CNTNAP2: variants seen among roughly 807,000 people sequenced by gnomAD.
CNTNAP2 encodes the protein contactin-associated protein-like 2.
CNTNAP2 carries 98 observed loss-of-function variants against 155.2 expected under a neutral mutation model. That is an observed-to-expected ratio of 0.63 (90% CI 0.54 to 0.75). The LOEUF is 0.75. CNTNAP2 is among the 30% of genes least tolerant of loss of function. CNTNAP2 has a pLI of 0.00. For missense variants in CNTNAP2, 1,727 were observed against 1,688.1 expected (o/e 1.02, Z -0.40); for synonymous variants, 651 against 631.2 (o/e 1.03, Z -0.47).
At chr7:147,569,083 G>A (rs1800232445) in intron 12 of CNTNAP2, among the ~76,000 whole-genome samples, 1 of 152,056 alleles carries the variant, frequency 6.6e-6, no homozygotes, top group Non-Finnish European at 1.5e-5. Flanking sequence ...AAGCCATTAA[G>A]CTTGTTTACA....
At chr7:148,009,188 A>G (rs1295707085) in intron 15 of CNTNAP2, among the ~76,000 whole-genome samples, 1 of 152,236 alleles carries the variant, frequency 6.6e-6, no homozygotes, top group Non-Finnish European at 1.5e-5. Flanking sequence ...TACCTTAAAC[A>G]TGCTAAGAAC....
At chr7:148,235,779 G>A (rs916582919) in intron 20 of CNTNAP2, among the ~76,000 whole-genome samples, 8 of 142,340 alleles carry the variant, frequency 5.6e-5, no homozygotes, top group African/African-American at 1.3e-4. Context: ...TCCACCTCCC[G>A]GGTTCAAGTG....
intron 13 of CNTNAP2, among the ~76,000 whole-genome samples, chr7:147,643,170 G>A (rs1014542551): frequency 4.6e-5 from 7 of 152,164 alleles, no homozygotes; most frequent in African/African-American, 1.7e-4. Context: ...GGAATTTAAG[G>A]TGTTAGTCCT....
chr7:146,755,525 G>C (rs1801980872), intron 1 of CNTNAP2, among the ~76,000 whole-genome samples: 1 of 151,912 alleles, frequency 6.6e-6, no homozygotes, highest in Non-Finnish European at 1.5e-5. Flanking sequence ...TCACCTCCAG[G>C]ATAACTTGTC....
intron 10 of CNTNAP2, among the ~76,000 whole-genome samples, chr7:147,458,143 T>C (rs201916541): frequency 3.1e-5 from 1 of 31,764 alleles, no homozygotes; most frequent in African/African-American, 9.6e-5. Context: ...AAAACAAACA[T>C]AAGCATTTCA....
intron 15 of CNTNAP2, among the ~76,000 whole-genome samples, chr7:148,106,520 AC>A (rs1804225918): frequency 1.4e-5 from 2 of 142,824 alleles, no homozygotes; most frequent in Non-Finnish European, 3.0e-5. Context: ...ATATATATAT[AC>A]ATATTTTTTT....
chr7:147,890,762 A>G (rs2116730636), intron 13 of CNTNAP2, among the ~76,000 whole-genome samples: 2 of 152,336 alleles, frequency 1.3e-5, no homozygotes, highest in East Asian at 3.9e-4. Flanking sequence ...TTGCACTCAT[A>G]GAATTAGAGA....
chr7:147,219,660 A>G (rs1370550971), intron 8 of CNTNAP2, among the ~76,000 whole-genome samples: 1 of 152,174 alleles, frequency 6.6e-6, no homozygotes, highest in Admixed American at 6.5e-5. Context: ...TCACAGACAT[A>G]CCTATGTACA....
Position 146,912,123 on chromosome 7 carries a change from A to G in CNTNAP2, c.402+72219A>G, listed in dbSNP as rs539317303. Among the ~76,000 whole-genome samples, 3 of 150,936 alleles carry G rather than the reference A, an allele frequency of 2.0e-5. No homozygotes were observed. In the East Asian group the frequency reaches 5.8e-4, roughly 29 times the overall value. On this transcript the variant is annotated intron_variant, in intron 3 of 23. Transcript: ENST00000361727. ...TTAAAATGTTTGATTTTAATGAGTCATTGAATATGTATTAGCTTTTATGAG... is the reference window on the plus strand; with the variant it reads ...TTAAAATGTTTGATTTTAATGAGTCGTTGAATATGTATTAGCTTTTATGAG...
chr7:147,068,363 G>C (rs1458613046), intron 4 of CNTNAP2, among the ~76,000 whole-genome samples: 1 of 152,084 alleles, frequency 6.6e-6, no homozygotes, highest in Non-Finnish European at 1.5e-5. Flanking sequence ...TTATTTGTTT[G>C]TTTGTTTTTT....
In CNTNAP2 at chr7:147,490,311, A is replaced by AT. The variant is rs541888365; in HGVS notation, c.1777+4276dup. On this transcript the variant is annotated intron_variant, in intron 11 of 23. Transcript: ENST00000361727. Reference sequence around the variant, plus strand: ...CATTGCCAAATAAAGCAAAAGTAAAATTTTTTCTAGCCAATGTTAGAGAAA... The same window carrying AT: ...CATTGCCAAATAAAGCAAAAGTAAAATTTTTTTCTAGCCAATGTTAGAGAAA... 1.1e-3 allele frequency among the ~76,000 whole-genome samples: 168 copies of AT among 152,246 alleles called. 2 individuals are homozygous for AT. The South Asian group carries it at 0.021, about 19-fold the overall frequency.
intron 1 of CNTNAP2, among the ~76,000 whole-genome samples, chr7:146,269,895 G>A (rs1347093525): frequency 6.6e-6 from 1 of 152,192 alleles, no homozygotes; most frequent in African/African-American, 2.4e-5. Context: ...GGGAAGTCAA[G>A]TCCATCATTG....
At chr7:147,472,642 T>C (rs1798245879) in intron 10 of CNTNAP2, among the ~76,000 whole-genome samples, 1 of 151,800 alleles carries the variant, frequency 6.6e-6, no homozygotes, top group African/African-American at 2.4e-5. Context: ...GTGGGTGGGG[T>C]TAGGAGGTTG....
At chr7:147,863,450 T>G (rs1461026959) in intron 13 of CNTNAP2, among the ~76,000 whole-genome samples, 1 of 152,200 alleles carries the variant, frequency 6.6e-6, no homozygotes. Flanking sequence ...TACCCAGTAA[T>G]GGGATCACTG....
chr7:147,051,862 C>T (rs1220202612), intron 4 of CNTNAP2, among the ~76,000 whole-genome samples: 2 of 152,074 alleles, frequency 1.3e-5, no homozygotes, highest in Non-Finnish European at 2.9e-5. Context: ...GCTGACTACA[C>T]GTTAATGATG....
intron 9 of CNTNAP2, among the ~76,000 whole-genome samples, chr7:147,307,945 T>C (rs775917768): frequency 1.3e-5 from 2 of 152,216 alleles, no homozygotes; most frequent in Non-Finnish European, 2.9e-5. Context: ...GTGCTTGCTC[T>C]TGGAAGATTA....
In CNTNAP2 at chr7:148,420,052, G is replaced by A. The variant is rs575515200; in HGVS notation, c.*4436G>A. 2 of 152,320 alleles carry A rather than the reference G, an allele frequency of 1.3e-5. No individual in the cohort carries two copies. Among genetic ancestry groups the A allele is most frequent in the South Asian group, 2.1e-4 (1 of 4,830 alleles). The allele number at this position is 152,320 out of a possible 1,614,324, so 9.4% of individuals were successfully genotyped here. ...CACATCAAAAGACAAATGTGGCCAC[G>A]TTCAGGAATTGGAGACTTACTGGCA... On this transcript the variant is annotated 3_prime_UTR_variant, in exon 24 of 24. Transcript: ENST00000361727.
intron 1 of CNTNAP2, among the ~76,000 whole-genome samples, chr7:146,709,383 TA>T: frequency 6.6e-6 from 1 of 152,264 alleles, no homozygotes; most frequent in South Asian, 2.1e-4. Context: ...ACGAGAAACC[TA>T]AAATGAAAGG....
chr7:146,848,438 G>T (rs2129202479), intron 3 of CNTNAP2, among the ~76,000 whole-genome samples: 1 of 152,274 alleles, frequency 6.6e-6, no homozygotes, highest in Non-Finnish European at 1.5e-5. Flanking sequence ...AAGCATAATT[G>T]CTGTCTTCTA....
Sources: gnomAD v4.1 joint callset for allele counts (sites outside exome capture counted in the v4.1 genomes callset) on GRCh38, gnomAD v4.1.1 for gene constraint, MANE v1.5 for transcripts, NCBI Gene and HGNC (gene_info 2026-07-23, HGNC 2026-07-21) for gene names.